ASPH: variants seen among roughly 807,000 people sequenced by gnomAD.
The protein encoded by ASPH is aspartyl/asparaginyl beta-hydroxylase.
Under a neutral mutation model 118.4 loss-of-function variants are expected in ASPH, and 100 were observed. That is an observed-to-expected ratio of 0.84 (90% CI 0.72 to 1.00). The LOEUF (loss-of-function observed/expected upper bound fraction) is 1.00. Ranked by LOEUF, ASPH falls within the 50% of genes least tolerant of loss-of-function variation. The pLI is 0.00. For synonymous variants in ASPH, 315 were observed against 325.6 expected, an observed-to-expected ratio of 0.97 and a Z score of 0.35; for missense variants, 920 against 919.5, an observed-to-expected ratio of 1.00 and a Z score of -0.01.
At position 61,641,571 on chromosome 8, in the gene ASPH, C is replaced by T. The variant is rs77250416; in HGVS notation, c.790+1317G>A. Among the ~76,000 whole-genome samples, 15 of 152,234 alleles carry T rather than the reference C, an allele frequency of 9.9e-5. No individual in the cohort carries two copies. The East Asian group carries it at 2.7e-3, about 27-fold the overall frequency. ...AATTATCAGTACCTTAAAGACACAA[C>T]CTAGGATTTTTCCCATGGTGTCATT... is the stretch of plus-strand genomic sequence containing the variant. On this transcript the variant is annotated intron_variant, in intron 10 of 24. Transcript: ENST00000379454.
chr8:61,566,424 T>C (rs1425419823), intron 17 of ASPH, among the ~76,000 whole-genome samples: 1 of 152,242 alleles, frequency 6.6e-6, no homozygotes, highest in Admixed American at 6.5e-5. Flanking sequence ...TTCTTGAGAC[T>C]GAATGTACTC....
chr8:61,592,412 A>G (rs1444797877), intron 14 of ASPH, among the ~76,000 whole-genome samples: 1 of 152,210 alleles, frequency 6.6e-6, no homozygotes, highest in East Asian at 1.9e-4. Context: ...TAACTTTATC[A>G]CACTATACCT....
intron 13 of ASPH, among the ~76,000 whole-genome samples, chr8:61,623,408 T>C (rs949387803): frequency 6.6e-6 from 1 of 152,232 alleles, no homozygotes; most frequent in Non-Finnish European, 1.5e-5. Context: ...TTTTTCCCTA[T>C]GAAGTTGTCT....
intron 3 of ASPH, among the ~76,000 whole-genome samples, chr8:61,674,600 G>A (rs1051992153): frequency 6.6e-6 from 1 of 152,122 alleles, no homozygotes; most frequent in East Asian, 1.9e-4. Flanking sequence ...TTAGCAAATT[G>A]GACAGTATTT....
In ASPH at chr8:61,560,606, T is replaced by TA. The variant is rs921491278; in HGVS notation, c.1437+2137dup. Among the ~76,000 whole-genome samples, 36 of 149,322 alleles carry TA rather than the reference T, an allele frequency of 2.4e-4. 1 individual carries two copies. In the Middle Eastern group the frequency reaches 0.01, roughly 42 times the overall value. On this transcript the variant is annotated intron_variant, in intron 18 of 24. Coordinates refer to ENST00000379454, the MANE Select transcript of ASPH (RefSeq NM_004318.4). ...ACATATTTTCAGTCTATTCATGCTT[T>TA]AAAAAAAAAACTCATTCAATTGAAT...
At position 61,553,042 on chromosome 8, in the gene ASPH, C is replaced by T. The variant is rs757683861; in HGVS notation, c.1615G>A (p.Gly539Arg). 3 of 1,612,790 alleles carry T rather than the reference C, an allele frequency of 1.9e-6. No homozygotes were observed. The stretch of plus-strand genomic sequence containing the variant: ...CATATACCCATTACCTCTTTGTTCC[C>T]AACCCTCTGCATGGCATCCCCCAGG... ...FHLGDAMQRV[G>R]NKEAYKWYEL... The change falls in exon 20 of 25, where the codon GGG becomes AGG. Residue 539 changes from glycine (G) to arginine (R), a missense_variant. Physicochemically the swap from Gly to Arg is moderately radical, Grantham distance 125. Coordinates refer to ENST00000379454, the MANE Select transcript of ASPH (RefSeq NM_004318.4).
chr8:61,629,084 C>T (rs1854351650), intron 13 of ASPH, among the ~76,000 whole-genome samples: 1 of 152,092 alleles, frequency 6.6e-6, no homozygotes, highest in Non-Finnish European at 1.5e-5. Context: ...TGGATGGATG[C>T]AATGGAGTGA....
chr8:61,614,543 T>C (rs969756535), intron 14 of ASPH, among the ~76,000 whole-genome samples: 1 of 152,222 alleles, frequency 6.6e-6, no homozygotes, highest in African/African-American at 2.4e-5. Flanking sequence ...TGGAGTGCAG[T>C]GGCATGATCA....
intron 21 of ASPH, among the ~76,000 whole-genome samples, chr8:61,536,037 CTTTTT>C (rs34022613): frequency 2.3e-5 from 3 of 128,436 alleles, no homozygotes; most frequent in Admixed American, 8.1e-5. Context: ...AAACAGGTGA[CTTTTT>C]TTTTTTTTTT....
At chr8:61,525,467 G>C (rs1466596422) in intron 22 of ASPH, among the ~76,000 whole-genome samples, 1 of 152,120 alleles carries the variant, frequency 6.6e-6, no homozygotes, top group East Asian at 1.9e-4. Flanking sequence ...CTGAAGAGCT[G>C]AGACAGCAGT....
At chr8:61,597,522 A>T (rs2133278201) in intron 14 of ASPH, among the ~76,000 whole-genome samples, 1 of 152,352 alleles carries the variant, frequency 6.6e-6, no homozygotes, top group Non-Finnish European at 1.5e-5. Context: ...ATAGACATCC[A>T]AATATGAGAA....
chr8:61,694,792 G>A (rs1051263761), intron 1 of ASPH, among the ~76,000 whole-genome samples: 1 of 152,140 alleles, frequency 6.6e-6, no homozygotes, highest in African/African-American at 2.4e-5. Flanking sequence ...ACAACCATGT[G>A]TCTACTCAAT....
chr8:61,557,445 T>C (rs1828281656), intron 18 of ASPH, among the ~76,000 whole-genome samples: 1 of 152,052 alleles, frequency 6.6e-6, no homozygotes. Context: ...TGGCTCAGAC[T>C]CTTCCGCCAG....
Position 61,644,586 on chromosome 8 carries a change from A to T in ASPH, c.652+14T>A. 6.4e-7 allele frequency: 1 copy of T among 1,573,282 alleles called. No individual in the cohort carries two copies. Among genetic ancestry groups the T allele is most frequent in the Non-Finnish European group, 8.6e-7 (1 of 1,160,376 alleles). ...CTCACTCTAATTAAGAACAGAATTA[A>T]ATTAAAATCTCACCTGTCTCTTCCA... On this transcript the variant is annotated intron_variant, in intron 7 of 24. Transcript: ENST00000379454.
At chr8:61,554,385 G>GC (rs1469235354) in intron 19 of ASPH, among the ~76,000 whole-genome samples, 1 of 152,132 alleles carries the variant, frequency 6.6e-6, no homozygotes, top group African/African-American at 2.4e-5. Context: ...AATAAAACAT[G>GC]CAAGCTATTT....
chr8:61,552,999 TAGAGAG>T (rs754013355), intron 20 of ASPH, 26 bp downstream of exon 20: 1 of 1,512,734 alleles, frequency 6.6e-7, no homozygotes, highest in Non-Finnish European at 9.2e-7. Flanking sequence ...CATCCTCTGT[TAGAGAG>T]AATCAGAAAT....
intron 10 of ASPH, 72 bp downstream of exon 10, chr8:61,642,816 G>T: frequency 7.6e-7 from 1 of 1,318,358 alleles, no homozygotes; most frequent in Non-Finnish European, 1.0e-6. Context: ...CTGCACTGCA[G>T]CCTGGGCAAC....
chr8:61,674,233 A>G (rs1281207624), intron 3 of ASPH, among the ~76,000 whole-genome samples: 1 of 152,192 alleles, frequency 6.6e-6, no homozygotes, highest in Non-Finnish European at 1.5e-5. Flanking sequence ...AGATTCCTTT[A>G]GAATTTAAAC....
chr8:61,513,679 AATT>A (rs1809739635), intron 24 of ASPH, among the ~76,000 whole-genome samples: 1 of 152,138 alleles, frequency 6.6e-6, no homozygotes. Flanking sequence ...ATCGTCTGCA[AATT>A]ATTATTATCA....
Sources: allele counts gnomAD v4.1 joint callset (sites outside exome capture counted in the v4.1 genomes callset), GRCh38; gene constraint gnomAD v4.1.1; transcripts MANE v1.5; gene names NCBI Gene and HGNC (gene_info 2026-07-23, HGNC 2026-07-21).